CSMD1: variants seen among roughly 807,000 people sequenced by gnomAD.
CSMD1 encodes the protein CUB and sushi domain-containing protein 1.
CSMD1 carries 213 observed loss-of-function variants against 417.5 expected under a neutral mutation model. The ratio of observed to expected loss-of-function variants is 0.51; its 90% CI spans 0.46 to 0.57. CSMD1 has a LOEUF of 0.57. Ranked by LOEUF, CSMD1 falls within the 20% of genes least tolerant of loss-of-function variation. CSMD1 has a pLI of 0.00. For missense variants in CSMD1, 6,923 were observed against 4,529.7 expected (o/e 1.53, Z -15.17); for synonymous variants, 2,862 against 1,736.8 (o/e 1.65, Z -16.11).
chr8:3,961,575 A>C (rs972811446), intron 5 of CSMD1, among the ~76,000 whole-genome samples: 6 of 152,248 alleles, frequency 3.9e-5, no homozygotes, highest in African/African-American at 1.4e-4. Flanking sequence ...AAAGGTATCT[A>C]TAAAAACGCT....
intron 5 of CSMD1, among the ~76,000 whole-genome samples, chr8:3,841,008 G>A (rs956450170): frequency 6.6e-6 from 1 of 151,978 alleles, no homozygotes; most frequent in Non-Finnish European, 1.5e-5. Flanking sequence ...CAGCTGTCCG[G>A]TGATCTCAAT....
At chr8:4,801,918 A>G (rs758497185) in intron 1 of CSMD1, among the ~76,000 whole-genome samples, 4 of 152,190 alleles carry the variant, frequency 2.6e-5, no homozygotes, top group African/African-American at 4.8e-5. Context: ...CAGCATTCGT[A>G]CTGTGATTCA....
At chr8:3,747,253 C>G (rs1797106703) in intron 6 of CSMD1, among the ~76,000 whole-genome samples, 2 of 152,292 alleles carry the variant, frequency 1.3e-5, no homozygotes, top group Admixed American at 1.3e-4. Flanking sequence ...TCTTTCTGTT[C>G]TGCCATCCAA....
chr8:4,276,588 T>C (rs960499878), intron 3 of CSMD1, among the ~76,000 whole-genome samples: 1 of 152,160 alleles, frequency 6.6e-6, no homozygotes, highest in Non-Finnish European at 1.5e-5. Context: ...ACTTTAAGTA[T>C]AATAAAAATA....
chr8:3,761,923 T>C (rs959119231), intron 5 of CSMD1, among the ~76,000 whole-genome samples: 1 of 152,140 alleles, frequency 6.6e-6, no homozygotes, highest in African/African-American at 2.4e-5. Flanking sequence ...CTCTTTTTTC[T>C]GGGAGCACTC....
At chr8:4,353,030 G>A (rs576017061) in intron 3 of CSMD1, among the ~76,000 whole-genome samples, 90 of 152,256 alleles carry the variant, frequency 5.9e-4, no homozygotes, top group African/African-American at 1.9e-3. Context: ...TATTTCCTGA[G>A]TCTTAATATA....
intron 1 of CSMD1, among the ~76,000 whole-genome samples, chr8:4,722,563 G>C (rs758038551): frequency 6.6e-6 from 1 of 152,120 alleles, no homozygotes; most frequent in African/African-American, 2.4e-5. Context: ...AAATGCATCA[G>C]ATAGTTAGGA....
intron 3 of CSMD1, among the ~76,000 whole-genome samples, chr8:4,191,770 T>C (rs189908231): frequency 3.3e-5 from 5 of 149,940 alleles, no homozygotes; most frequent in African/African-American, 1.2e-4. Context: ...AAATGGTGGT[T>C]CAGTTCATCC....
intron 5 of CSMD1, among the ~76,000 whole-genome samples, chr8:3,813,655 A>G (rs190878119): frequency 1.3e-5 from 2 of 152,172 alleles, no homozygotes; most frequent in African/African-American, 4.8e-5. Flanking sequence ...TAATTATACA[A>G]AATTATTTAA....
At chr8:4,608,714 T>A (rs1269874282) in intron 2 of CSMD1, among the ~76,000 whole-genome samples, 1 of 152,230 alleles carries the variant, frequency 6.6e-6, no homozygotes, top group African/African-American at 2.4e-5. Context: ...TTCAGGCATT[T>A]CAGAAGTGAA....
chr8:4,747,679 G>A lies in CSMD1; in HGVS notation c.86-110121C>T, dbSNP rs372147866. Among the ~76,000 whole-genome samples the A allele has an allele frequency of 1.1e-4, 16 of 152,138 alleles. No homozygotes were observed. In the East Asian group the frequency reaches 2.9e-3, roughly 28 times the overall value. ...AGTTGTTGATTTTGCATGCCTTGTG[G>A]CACAAGGCTTTTCCACCTACCATCA... On this transcript the variant is annotated intron_variant, in intron 1 of 69. Coordinates refer to ENST00000635120, the MANE Select transcript of CSMD1 (RefSeq NM_033225.6).
intron 5 of CSMD1, among the ~76,000 whole-genome samples, chr8:3,861,420 T>C (rs867040602): frequency 6.6e-6 from 1 of 152,178 alleles, no homozygotes; most frequent in Non-Finnish European, 1.5e-5. Flanking sequence ...GATTGGTAAA[T>C]TGCATCTGAC....
chr8:3,493,526 T>G, intron 11 of CSMD1, 97 bp downstream of exon 11: 1 of 1,019,084 alleles, frequency 9.8e-7, no homozygotes, highest in Non-Finnish European at 1.5e-6. Flanking sequence ...AGCAAACACC[T>G]GAGGCCGAAT....
At chr8:4,611,733 T>A (rs1166466463) in intron 2 of CSMD1, among the ~76,000 whole-genome samples, 1 of 152,216 alleles carries the variant, frequency 6.6e-6, no homozygotes, top group Non-Finnish European at 1.5e-5. Flanking sequence ...TATAATTATA[T>A]ATTCTCATTT....
intron 23 of CSMD1, among the ~76,000 whole-genome samples, chr8:3,337,039 G>C (rs1024103742): frequency 6.6e-6 from 1 of 152,088 alleles, no homozygotes; most frequent in Admixed American, 6.6e-5. Context: ...AACTTTCTGG[G>C]GAGGCTGGAG....
intron 5 of CSMD1, among the ~76,000 whole-genome samples, chr8:3,894,121 C>T (rs1022281627): frequency 6.6e-6 from 1 of 152,226 alleles, no homozygotes; most frequent in Admixed American, 6.5e-5. Context: ...CTGCACCTCA[C>T]TTAAAAATAT....
At chr8:4,014,794 C>T (rs1021551939) in intron 4 of CSMD1, among the ~76,000 whole-genome samples, 5 of 152,136 alleles carry the variant, frequency 3.3e-5, no homozygotes, top group African/African-American at 7.2e-5. Context: ...TGGCACTAGA[C>T]ACATTCATCT....
intron 10 of CSMD1, among the ~76,000 whole-genome samples, chr8:3,564,403 A>G (rs1435851357): frequency 6.6e-6 from 1 of 152,206 alleles, no homozygotes; most frequent in Non-Finnish European, 1.5e-5. Flanking sequence ...CACCTGCTAA[A>G]TAGTTGCAAG....
intron 23 of CSMD1, among the ~76,000 whole-genome samples, chr8:3,310,894 A>T (rs1368603519): frequency 6.6e-6 from 1 of 151,788 alleles, no homozygotes; most frequent in East Asian, 1.9e-4. Flanking sequence ...TTTTAAAAAA[A>T]GTTTTTAAAA....
Sources: gnomAD v4.1 joint callset for allele counts (sites outside exome capture counted in the v4.1 genomes callset) on GRCh38, gnomAD v4.1.1 for gene constraint, MANE v1.5 for transcripts, NCBI Gene and HGNC (gene_info 2026-07-23, HGNC 2026-07-21) for gene names.